Variants in C7orf33 observed in about 807,000 individuals in gnomAD.
C7orf33 encodes uncharacterized protein C7orf33.
In C7orf33, 15 loss-of-function variants were observed where a neutral mutation model predicts 13.4. That is an observed-to-expected ratio of 1.12 (90% CI 0.75 to 1.72). The LOEUF (loss-of-function observed/expected upper bound fraction) is 1.72. Ranked by LOEUF, C7orf33 falls within the 40% of genes most tolerant of loss-of-function variation. C7orf33 has a pLI of 0.00. For synonymous variants in C7orf33, 73 were observed against 83.2 expected (o/e 0.88, Z 0.67); for missense variants, 187 against 220.3 (o/e 0.85, Z 0.96).
In C7orf33 at chr7:148,615,653, G is replaced by A. The variant is rs1354388337; in HGVS notation, c.*252G>A. 3 of 387,870 alleles carry A rather than the reference G, an allele frequency of 7.7e-6. No individual in the cohort carries two copies. The highest frequency in any genetic ancestry group is 5.0e-5 in the East Asian group (1 of 20,000). 24.0% of individuals were successfully genotyped at this position (387,870 alleles called of 1,614,324 possible). A position where few individuals can be genotyped will look rare whatever the true frequency, so the allele number is the denominator to read the frequency against. Reference sequence around the variant, plus strand: ...GGTGTGGGGCCCAGGAGAGGACCACGGAGTGACAAGCCACCAGGTTCTAAA... The same window carrying A: ...GGTGTGGGGCCCAGGAGAGGACCACAGAGTGACAAGCCACCAGGTTCTAAA... On this transcript the variant is annotated 3_prime_UTR_variant, in exon 3 of 3. Transcript: ENST00000307003.
At chr7:148,611,606 G>T (rs559952998) in intron 1 of C7orf33, among the ~76,000 whole-genome samples, 2 of 152,032 alleles carry the variant, frequency 1.3e-5, no homozygotes, top group Non-Finnish European at 1.5e-5. Flanking sequence ...CTTATCCTTC[G>T]AGCCCATGTG....
intron 1 of C7orf33, among the ~76,000 whole-genome samples, chr7:148,599,428 A>G (rs988139515): frequency 2.0e-5 from 3 of 151,324 alleles, no homozygotes; most frequent in Non-Finnish European, 2.9e-5. Flanking sequence ...AAATGCTTTT[A>G]TAACAACCTG....
chr7:148,599,536 T>C (rs986198037), intron 1 of C7orf33, among the ~76,000 whole-genome samples: 4 of 147,518 alleles, frequency 2.7e-5, no homozygotes, highest in South Asian at 4.3e-4. Flanking sequence ...TGCAATGGCA[T>C]GGTCTCAGCT....
At chr7:148,591,611 T>G (rs1201351069) in intron 1 of C7orf33, among the ~76,000 whole-genome samples, 1 of 152,110 alleles carries the variant, frequency 6.6e-6, no homozygotes, top group Non-Finnish European at 1.5e-5. Flanking sequence ...GATAGTATCT[T>G]GCTCTGTCAC....
chr7:148,593,846 G>A (rs1056665789), intron 1 of C7orf33, among the ~76,000 whole-genome samples: 1 of 152,134 alleles, frequency 6.6e-6, no homozygotes, highest in Admixed American at 6.5e-5. Context: ...GCCCGGCTAA[G>A]TGTCATGCTG....
intron 1 of C7orf33, among the ~76,000 whole-genome samples, chr7:148,593,327 A>G (rs1796289919): frequency 6.6e-6 from 1 of 152,152 alleles, no homozygotes; most frequent in African/African-American, 2.4e-5. Flanking sequence ...CAATGGCTCA[A>G]TCTTGGCTCA....
chr7:148,596,744 AC>A (rs1796344162), intron 1 of C7orf33, among the ~76,000 whole-genome samples: 1 of 151,978 alleles, frequency 6.6e-6, no homozygotes, highest in African/African-American at 2.4e-5. Flanking sequence ...TGGGGACACA[AC>A]CAAACCATAT....
At chr7:148,609,928 C>G (rs117266000) in intron 1 of C7orf33, among the ~76,000 whole-genome samples, 2 of 152,214 alleles carry the variant, frequency 1.3e-5, no homozygotes, top group African/African-American at 4.8e-5. Context: ...AAGTTAAAAA[C>G]GGAAGTACAT....
At chr7:148,614,708 G>A (rs998871011) in intron 2 of C7orf33, among the ~76,000 whole-genome samples, 5 of 152,146 alleles carry the variant, frequency 3.3e-5, no homozygotes, top group African/African-American at 1.2e-4. Context: ...ACGTGAGCCC[G>A]TACAACCACT....
chr7:148,600,682 T>C (rs974635939), intron 1 of C7orf33, among the ~76,000 whole-genome samples: 4 of 152,136 alleles, frequency 2.6e-5, no homozygotes, highest in Non-Finnish European at 4.4e-5. Context: ...CCTATATGCA[T>C]CTTATTTTGT....
At chr7:148,603,224 G>A (rs181969784) in intron 1 of C7orf33, among the ~76,000 whole-genome samples, 4 of 152,236 alleles carry the variant, frequency 2.6e-5, no homozygotes, top group African/African-American at 9.6e-5. Context: ...GAATGAAAGG[G>A]TCTTGCTCAG....
chr7:148,611,622 C>G (rs894024641), intron 1 of C7orf33, among the ~76,000 whole-genome samples: 2 of 152,200 alleles, frequency 1.3e-5, no homozygotes, highest in Admixed American at 1.3e-4. Flanking sequence ...ATGTGTGATC[C>G]GATTCTTCTG....
chr7:148,590,883 C>G lies in C7orf33; in HGVS notation c.-43C>G. Reference sequence around the variant, plus strand: ...CTTAGATATTGGTGGTGAAGCGCCGCTCTCCTTGACAGCATCCAGGAAAGG... The same window carrying G: ...CTTAGATATTGGTGGTGAAGCGCCGGTCTCCTTGACAGCATCCAGGAAAGG... On this transcript the variant is annotated 5_prime_UTR_variant, in exon 1 of 3. Coordinates refer to ENST00000307003, the MANE Select transcript of C7orf33 (RefSeq NM_145304.4). 6.3e-7 allele frequency: 1 copy of G among 1,575,204 alleles called. No homozygotes were observed. Among genetic ancestry groups the G allele is most frequent in the Non-Finnish European group, 8.7e-7 (1 of 1,144,976 alleles).
Position 148,590,810 on chromosome 7 carries a change from C to A in C7orf33, c.-116C>A. 2 of 929,466 alleles carry A rather than the reference C, an allele frequency of 2.2e-6. No individual in the cohort carries two copies. Among genetic ancestry groups the A allele is most frequent in the Non-Finnish European group, 3.4e-6 (2 of 583,898 alleles). 57.6% of individuals were successfully genotyped at this position (929,466 alleles called of 1,614,324 possible). A position where few individuals can be genotyped will look rare whatever the true frequency, so the allele number is the denominator to read the frequency against. On this transcript the variant is annotated 5_prime_UTR_variant, in exon 1 of 3. Transcript: ENST00000307003. ...CAGTGGTCAGGAGCGAGGCGCCCAG[C>A]CTGTGTCTGAATCCTCCTACTGACC...
At chr7:148,611,001 G>A (rs1019803889) in intron 1 of C7orf33, among the ~76,000 whole-genome samples, 2 of 152,110 alleles carry the variant, frequency 1.3e-5, no homozygotes, top group Admixed American at 1.3e-4. Flanking sequence ...AATTGGGTTC[G>A]ACTAAGATGG....
intron 1 of C7orf33, among the ~76,000 whole-genome samples, chr7:148,607,605 T>C (rs773588919): frequency 6.6e-6 from 1 of 152,172 alleles, no homozygotes; most frequent in Non-Finnish European, 1.5e-5. Context: ...TTTTAGGCAA[T>C]AAATGCTTCC....
intron 1 of C7orf33, among the ~76,000 whole-genome samples, chr7:148,593,174 T>C (rs781015102): frequency 1.8e-4 from 28 of 152,170 alleles, no homozygotes; most frequent in Non-Finnish European, 3.1e-4. Context: ...CACTGGAAGA[T>C]ACAGCAAAGT....
chr7:148,605,616 G>C (rs1266584899), intron 1 of C7orf33, among the ~76,000 whole-genome samples: 1 of 152,156 alleles, frequency 6.6e-6, no homozygotes, highest in Admixed American at 6.5e-5. Flanking sequence ...AGCACTTGCA[G>C]ACCTGACCTC....
chr7:148,607,994 A>G (rs1272207635), intron 1 of C7orf33, among the ~76,000 whole-genome samples: 3 of 152,050 alleles, frequency 2.0e-5, no homozygotes, highest in Non-Finnish European at 2.9e-5. Flanking sequence ...CTTCCAGCGT[A>G]TTACCTCACT....
Sources: allele counts gnomAD v4.1 joint callset (sites outside exome capture counted in the v4.1 genomes callset), GRCh38; gene constraint gnomAD v4.1.1; transcripts MANE v1.5; gene names NCBI Gene and HGNC (gene_info 2026-07-23, HGNC 2026-07-21).